RGS7: variants seen among roughly 807,000 people sequenced by gnomAD.
The protein encoded by RGS7 is regulator of G protein signaling 7.
A neutral mutation model predicts 81.1 loss-of-function variants in RGS7; 27 were observed. That is an observed-to-expected ratio of 0.33 (90% confidence interval 0.25 to 0.46). The LOEUF (loss-of-function observed/expected upper bound fraction) is 0.46, where lower values mean the gene tolerates loss of function less well. Ranked by LOEUF, RGS7 falls within the 20% of genes least tolerant of loss-of-function variation. The pLI is 1.00. For synonymous variants in RGS7, 208 were observed against 207.7 expected (o/e 1.00, Z -0.01); for missense variants, 396 against 607.4 (o/e 0.65, Z 3.66).
chr1:240,985,799 T>A (rs1685570229), intron 3 of RGS7, among the ~76,000 whole-genome samples: 1 of 151,860 alleles, frequency 6.6e-6, no homozygotes, highest in South Asian at 2.1e-4. Context: ...AGGAAAAAAA[T>A]CCAGTATCTT....
chr1:241,164,914 T>A lies in RGS7; in HGVS notation c.79-66152A>T, dbSNP rs899897251. On this transcript the variant is annotated intron_variant, in intron 2 of 18. Coordinates refer to ENST00000440928, the MANE Select transcript of RGS7 (RefSeq NM_001364886.1). This position sits in a 1 kb window ranked among gnomAD's most constrained non-coding sequence, Gnocchi z 4.1. ...AACATCACAAGAGAACTCAAATGAC[T>A]ATAACCATAATCGTAGAACTGAACT... is the stretch of plus-strand genomic sequence containing the variant. Among the ~76,000 whole-genome samples the A allele has an allele frequency of 7.2e-5, 11 of 152,214 alleles. No homozygotes were observed. The highest frequency in any genetic ancestry group is 2.7e-4 in the African/African-American group (11 of 41,472).
intron 3 of RGS7, among the ~76,000 whole-genome samples, chr1:240,998,165 C>T (rs750087849): frequency 3.9e-5 from 6 of 152,096 alleles, no homozygotes; most frequent in Admixed American, 1.3e-4. Flanking sequence ...CTCATGAGAA[C>T]GCTGCTGTGG....
intron 3 of RGS7, among the ~76,000 whole-genome samples, chr1:241,055,702 T>G (rs1235056279): frequency 6.6e-6 from 1 of 152,168 alleles, no homozygotes; most frequent in Admixed American, 6.5e-5. Flanking sequence ...TGGATTTTTA[T>G]GGAGGCATCA....
rs1257156106 is a variant in RGS7, at chr1:241,221,001, G to A, written c.79-122239C>T. On this transcript the variant is annotated intron_variant, in intron 2 of 18. Transcript: ENST00000440928. ...AGGAAGGAAGGAAGGAAGGAAGAGA[G>A]AGAGAAAGGAAGGAAGGAAGGAAGG... is the stretch of plus-strand genomic sequence containing the variant. 4.3e-4 allele frequency among the ~76,000 whole-genome samples: 31 copies of A among 71,276 alleles called. 1 individual carries two copies. The highest frequency in any genetic ancestry group is 5.9e-4 in the African/African-American group (13 of 22,094). The allele number at this position is 71,276 out of a possible 152,430, so 46.8% of individuals were successfully genotyped here.
At chr1:241,153,423 G>T (rs899970995) in intron 2 of RGS7, among the ~76,000 whole-genome samples, 1 of 151,934 alleles carries the variant, frequency 6.6e-6, no homozygotes, top group Non-Finnish European at 1.5e-5. Flanking sequence ...ATTTGGTGAA[G>T]AAGAGAGTTA....
rs141760411 is a variant in RGS7, at chr1:241,083,166, T to C, written c.175+15500A>G. The stretch of plus-strand genomic sequence containing the variant: ...CTTGAATCTGGGAGGCAAGAGGTTG[T>C]AGTGAGCCAAGATCATGACACTGCA... On this transcript the variant is annotated intron_variant, in intron 3 of 18. Transcript: ENST00000440928. Among the ~76,000 whole-genome samples, 1,366 of 144,800 alleles carry C rather than the reference T, an allele frequency of 9.4e-3. 30 individuals are homozygous for C. Among genetic ancestry groups the C allele is most frequent in the African/African-American group, 0.034 (1,325 of 39,212 alleles). The allele number at this position is 144,800 out of a possible 152,430, so 95.0% of individuals were successfully genotyped here. A position where few individuals can be genotyped will look rare whatever the true frequency, so the allele number is the denominator to read the frequency against.
chr1:240,817,871 G>A (rs1691102489), intron 10 of RGS7, among the ~76,000 whole-genome samples: 1 of 152,084 alleles, frequency 6.6e-6, no homozygotes, highest in African/African-American at 2.4e-5. Flanking sequence ...CCAAAATGCT[G>A]GGATTACAGG....
intron 3 of RGS7, among the ~76,000 whole-genome samples, chr1:241,026,597 A>C (rs1476305840): frequency 6.6e-6 from 1 of 152,018 alleles, no homozygotes; most frequent in Non-Finnish European, 1.5e-5. Flanking sequence ...TCAAAAAAAA[A>C]AAAATTATTG....
intron 3 of RGS7, among the ~76,000 whole-genome samples, chr1:241,035,648 G>GCTATCACCATCATTA: frequency 6.6e-6 from 1 of 152,082 alleles, no homozygotes; most frequent in South Asian, 2.1e-4. Context: ...CCCCAACACT[G>GCTATCACCATCATTA]CTATCACCAT....
chr1:240,961,812 T>C (rs191371017), intron 4 of RGS7, among the ~76,000 whole-genome samples: 17 of 152,252 alleles, frequency 1.1e-4, no homozygotes, highest in African/African-American at 4.1e-4. Flanking sequence ...AGATTCCACA[T>C]TCTATCTTTA....
chr1:240,980,033 A>G (rs1684692217), intron 4 of RGS7, among the ~76,000 whole-genome samples: 1 of 152,216 alleles, frequency 6.6e-6, no homozygotes. Context: ...CTAATTCCAT[A>G]TATGTGTATT....
At chr1:240,828,508 G>C (rs1264368041) in intron 9 of RGS7, among the ~76,000 whole-genome samples, 1 of 152,194 alleles carries the variant, frequency 6.6e-6, no homozygotes, top group East Asian at 1.9e-4. Context: ...AAAAACATCG[G>C]CCAGGTGCGG....
chr1:240,968,822 T>C (rs1682752862), intron 4 of RGS7, among the ~76,000 whole-genome samples: 1 of 152,092 alleles, frequency 6.6e-6, no homozygotes, highest in Non-Finnish European at 1.5e-5. Context: ...GTAGTTAGCA[T>C]CTCCTATCAT....
At chr1:240,920,382 A>C (rs1355709017) in intron 6 of RGS7, 1 of 1,531,942 alleles carries the variant, frequency 6.5e-7, no homozygotes, top group Non-Finnish European at 8.9e-7. Context: ...GGATGGCTAT[A>C]ATGGATTTGG....
chr1:240,999,108 C>T (rs954405273), intron 3 of RGS7, among the ~76,000 whole-genome samples: 2 of 152,116 alleles, frequency 1.3e-5, no homozygotes, highest in African/African-American at 4.8e-5. Flanking sequence ...AGCCCATCCA[C>T]TGAGTTTTCC....
At chr1:240,817,855 G>T (rs1691100553) in intron 10 of RGS7, among the ~76,000 whole-genome samples, 1 of 152,130 alleles carries the variant, frequency 6.6e-6, no homozygotes, top group African/African-American at 2.4e-5. Context: ...CATCCGCCTT[G>T]GCCTCCCAAA....
chr1:241,004,722 G>T (rs575712416), intron 3 of RGS7, among the ~76,000 whole-genome samples: 1 of 152,296 alleles, frequency 6.6e-6, no homozygotes, highest in African/African-American at 2.4e-5. Flanking sequence ...GATTCTTCTG[G>T]CCTCTCTGAG....
intron 2 of RGS7, among the ~76,000 whole-genome samples, chr1:241,221,486 T>A (rs1391296478): frequency 6.6e-6 from 1 of 152,216 alleles, no homozygotes; most frequent in East Asian, 1.9e-4. Flanking sequence ...GATGTAAATA[T>A]CACATCCAGA....
chr1:241,267,177 G>A (rs990367861), intron 2 of RGS7, among the ~76,000 whole-genome samples: 3 of 152,142 alleles, frequency 2.0e-5, no homozygotes, highest in African/African-American at 4.8e-5. Flanking sequence ...ACTTCCCAGC[G>A]TCTTCCTCAA....
Sources: gnomAD v4.1 joint callset for allele counts (sites outside exome capture counted in the v4.1 genomes callset) on GRCh38, gnomAD v4.1.1 for gene constraint, Gnocchi (gnomAD v3.1) non-coding constraint, MANE v1.5 for transcripts, NCBI Gene and HGNC (gene_info 2026-07-23, HGNC 2026-07-21) for gene names.